The following PCBP3 variants were observed in gnomAD, a reference collection of about 807,000 sequenced individuals.
The protein encoded by PCBP3 is poly(rC)-binding protein 3.
In PCBP3, 25 loss-of-function variants were observed where a neutral mutation model predicts 52.7. That is an observed-to-expected ratio of 0.47 (90% confidence interval 0.35 to 0.66). The LOEUF is 0.66. Among genes scored for constraint, PCBP3 ranks in the 30% least tolerant of loss-of-function variants. The pLI is 0.01. For synonymous variants in PCBP3, 162 were observed against 183.0 expected (o/e 0.89, Z 0.93); for missense variants, 391 against 490.3 (o/e 0.80, Z 1.91).
Position 45,917,670 on chromosome 21 carries a change from A to C in PCBP3, c.717+41A>C. On this transcript the variant is annotated intron_variant, in intron 13 of 17. Transcript: ENST00000681687. The surrounding 1 kb of genome is among the most constrained non-coding windows in gnomAD (Gnocchi z 5.3). ...GTCTTCCTCTCACCTTTCTCTTCTC[A>C]TGGTTGTTTACCTACCTGCATGCTG... is the stretch of plus-strand genomic sequence containing the variant. 1 of 1,506,992 alleles carries C rather than the reference A, an allele frequency of 6.6e-7. No homozygotes were observed. The highest frequency in any genetic ancestry group is 9.2e-7 in the Non-Finnish European group (1 of 1,082,572). 93.4% of individuals were successfully genotyped at this position (1,506,992 alleles called of 1,614,324 possible).
chr21:45,889,765 C>T (rs1040094247), intron 5 of PCBP3, among the ~76,000 whole-genome samples: 1 of 152,252 alleles, frequency 6.6e-6, no homozygotes, highest in Non-Finnish European at 1.5e-5. Flanking sequence ...CCCTCACGTG[C>T]TTGTCCATCT....
At chr21:45,804,493 A>C (rs1327045946) in intron 4 of PCBP3, among the ~76,000 whole-genome samples, 1 of 152,124 alleles carries the variant, frequency 6.6e-6, no homozygotes, top group African/African-American at 2.4e-5. Flanking sequence ...CTTACTGAAG[A>C]TCCTAGTCTT....
At chr21:45,881,612 A>G (rs934181699) in intron 5 of PCBP3, among the ~76,000 whole-genome samples, 1 of 152,166 alleles carries the variant, frequency 6.6e-6, no homozygotes, top group East Asian at 1.9e-4. Flanking sequence ...GCAATTTTCA[A>G]GTATACATTG....
At chr21:45,934,092 C>G (rs2076618880) in intron 15 of PCBP3, among the ~76,000 whole-genome samples, 1 of 151,882 alleles carries the variant, frequency 6.6e-6, no homozygotes, top group South Asian at 2.1e-4. Context: ...CAGGAACCAG[C>G]AAGAGGGAAG....
At chr21:45,914,508 C>T (rs1038839424) in intron 12 of PCBP3, 2 of 204,972 alleles carry the variant, frequency 9.8e-6, no homozygotes, top group South Asian at 1.4e-4. Flanking sequence ...GACGACCGGG[C>T]GTCTGTGCCG....
intron 1 of PCBP3, among the ~76,000 whole-genome samples, chr21:45,647,243 G>A (rs894617542): frequency 4.6e-5 from 7 of 152,124 alleles, no homozygotes; most frequent in African/African-American, 1.7e-4. Context: ...CTCTTTTGTT[G>A]ACAGAAACTC....
At chr21:45,790,316 C>T (rs1453313911) in intron 4 of PCBP3, among the ~76,000 whole-genome samples, 7 of 152,084 alleles carry the variant, frequency 4.6e-5, no homozygotes, top group African/African-American at 1.7e-4. Flanking sequence ...ACTTGTGGGA[C>T]AGGGGAGGTG....
At chr21:45,861,830 A>C (rs1195073481) in intron 5 of PCBP3, among the ~76,000 whole-genome samples, 3 of 152,194 alleles carry the variant, frequency 2.0e-5, no homozygotes, top group Non-Finnish European at 1.5e-5. Flanking sequence ...CTCAAAGGTC[A>C]TGGTTTTAGT....
intron 5 of PCBP3, among the ~76,000 whole-genome samples, chr21:45,857,141 A>G (rs183557656): frequency 1.8e-4 from 27 of 152,356 alleles, no homozygotes; most frequent in African/African-American, 6.5e-4. Context: ...AAAAAGATCA[A>G]GCTATGTTAA....
chr21:45,789,595 A>G (rs2091401184), intron 4 of PCBP3, among the ~76,000 whole-genome samples: 1 of 152,198 alleles, frequency 6.6e-6, no homozygotes, highest in Non-Finnish European at 1.5e-5. Context: ...GAAGGCTTTA[A>G]GGTGGAGGAC....
chr21:45,875,340 A>G (rs936553940), intron 5 of PCBP3, among the ~76,000 whole-genome samples: 4 of 152,210 alleles, frequency 2.6e-5, no homozygotes, highest in Non-Finnish European at 5.9e-5. Context: ...CAGCTGTTCC[A>G]GGTTGCCACA....
chr21:45,738,403 C>T (rs867028659), intron 3 of PCBP3, among the ~76,000 whole-genome samples: 4 of 151,802 alleles, frequency 2.6e-5, no homozygotes, highest in Non-Finnish European at 2.9e-5. Flanking sequence ...TACAGACGCC[C>T]GCCACCACGC....
chr21:45,898,586 TCTCCCTC>T (rs2095911030), intron 6 of PCBP3, among the ~76,000 whole-genome samples: 1 of 51,144 alleles, frequency 2.0e-5, no homozygotes, highest in East Asian at 2.3e-3. Flanking sequence ...ACAGCCTCCC[TCTCCCTC>T]CACGGGCCCC....
rs2095824879 is a variant in PCBP3 at position 45,896,339 on chromosome 21, A to G, written c.142A>G (p.Ile48Val). The change falls in exon 6 of 18, where the codon ATC becomes GTC. Residue 48 changes from isoleucine to valine, a missense_variant. Coordinates refer to ENST00000681687, the MANE Select transcript of PCBP3 (RefSeq NM_001384156.1). ...SEGGLNVTLTIRLLMHGKEVG... is the reference protein window; with the variant it reads ...SEGGLNVTLTVRLLMHGKEVG... ...AGGTGGCCTGAATGTGACCCTCACCATCCGCCTGCTGATGCATGGAAAGGT... is the reference window on the plus strand; with the variant it reads ...AGGTGGCCTGAATGTGACCCTCACCGTCCGCCTGCTGATGCATGGAAAGGT... The G allele has an allele frequency of 6.4e-7, 1 of 1,551,952 alleles. No homozygotes were observed. Among genetic ancestry groups the G allele is most frequent in the Non-Finnish European group, 8.7e-7 (1 of 1,147,074 alleles).
rs367965815 is a variant in PCBP3, at chr21:45,794,232, T to C, written c.-126+38780T>C. ...TTACAAGGAACCATTGTAAATGATT[T>C]ACAAGGAACCCTGGCTCTACAGAAA... On this transcript the variant is annotated intron_variant, in intron 4 of 17. Coordinates refer to ENST00000681687, the MANE Select transcript of PCBP3 (RefSeq NM_001384156.1). 2.6e-5 allele frequency among the ~76,000 whole-genome samples: 4 copies of C among 152,294 alleles called. No individual in the cohort carries two copies. The East Asian group carries it at 7.7e-4, about 29-fold the overall frequency.
At chr21:45,925,637 G>A (rs1415332481) in intron 13 of PCBP3, among the ~76,000 whole-genome samples, 1 of 151,674 alleles carries the variant, frequency 6.6e-6, no homozygotes, top group Admixed American at 6.6e-5. Flanking sequence ...TGAAAGAATG[G>A]GAAAAGGCTA....
chr21:45,709,934 T>C (rs544904926), intron 2 of PCBP3, among the ~76,000 whole-genome samples: 2 of 152,296 alleles, frequency 1.3e-5, no homozygotes, highest in African/African-American at 4.8e-5. Flanking sequence ...TTGTAGAATG[T>C]GCCTCATTTG....
intron 2 of PCBP3, among the ~76,000 whole-genome samples, chr21:45,685,649 G>A (rs1271881924): frequency 2.6e-5 from 4 of 152,160 alleles, no homozygotes; most frequent in Admixed American, 2.0e-4. Flanking sequence ...AAACTGCATG[G>A]CAATGAGGGG....
intron 5 of PCBP3, among the ~76,000 whole-genome samples, chr21:45,865,563 G>A (rs1171577807): frequency 2.6e-5 from 4 of 152,202 alleles, no homozygotes; most frequent in Admixed American, 1.3e-4. Flanking sequence ...ATCTCATGCA[G>A]CGGCGTGTCC....
Sources: allele counts gnomAD v4.1 joint callset (sites outside exome capture counted in the v4.1 genomes callset), GRCh38; gene constraint gnomAD v4.1.1; non-coding constraint Gnocchi (gnomAD v3.1); transcripts MANE v1.5; gene names NCBI Gene and HGNC (gene_info 2026-07-23, HGNC 2026-07-21).